The following CREBRF variants were observed in gnomAD, a reference collection of about 807,000 sequenced individuals.
The protein encoded by CREBRF is CREB3 regulatory factor.
A neutral mutation model predicts 66.1 loss-of-function variants in CREBRF; 5 were observed. That is an observed-to-expected ratio of 0.08 (90% CI 0.04 to 0.16). The LOEUF is 0.16. Among genes scored for constraint, CREBRF ranks in the 10% least tolerant of loss-of-function variants. CREBRF has a pLI of 1.00. For missense variants in CREBRF, 531 were observed against 744.9 expected (o/e 0.71, Z 3.34); for synonymous variants, 229 against 264.4 (o/e 0.87, Z 1.30).
At chr5:173,082,014 T>TTTTTTTTTTTTTTTTTTTTTTTTTTTG (rs1757966771) in intron 2 of CREBRF, among the ~76,000 whole-genome samples, 3 of 113,784 alleles carry the variant, frequency 2.6e-5, no homozygotes, top group African/African-American at 3.3e-5. Context: ...TTTTTTTTTT[T>TTTTTTTTTTTTTTTTTTTTTTTTTTTG]TTTTTTTTTT....
At chr5:173,095,844 G>T (rs1758464385) in intron 4 of CREBRF, among the ~76,000 whole-genome samples, 1 of 150,902 alleles carries the variant, frequency 6.6e-6, no homozygotes, top group African/African-American at 2.4e-5. Context: ...TGTTGTAAAT[G>T]GGATTTTTTT....
chr5:173,123,042 G>A, intron 7 of CREBRF, 38 bp from the exon 8 acceptor site: 1 of 1,545,040 alleles, frequency 6.5e-7, no homozygotes, highest in Non-Finnish European at 8.7e-7. Flanking sequence ...GTCTTTCATG[G>A]TAGTGACATA....
At chr5:173,091,536 G>C (rs1581681891) in intron 4 of CREBRF, 135 bp downstream of exon 4, 1 of 1,460,384 alleles carries the variant, frequency 6.8e-7, no homozygotes, top group East Asian at 2.3e-5. Context: ...CCTTGGATTG[G>C]ATATGTAATT....
chr5:173,073,734 G>A lies in CREBRF; in HGVS notation c.-191-6851G>A, dbSNP rs182697526. 1.2e-3 allele frequency among the ~76,000 whole-genome samples: 185 copies of A among 152,300 alleles called. 2 individuals carry two copies. The highest frequency in any genetic ancestry group is 3.2e-3 in the Admixed American group (49 of 15,294). On this transcript the variant is annotated intron_variant, in intron 1 of 8. Transcript: ENST00000296953. ...TGTAATCCCAGCACTTTGGGAGGCC[G>A]AGGCGGGCGGATCACGAGGTCAGGA... is the stretch of plus-strand genomic sequence containing the variant.
chr5:173,128,356 A>G (rs935061026), intron 8 of CREBRF, among the ~76,000 whole-genome samples: 1 of 152,020 alleles, frequency 6.6e-6, no homozygotes, highest in Admixed American at 6.6e-5. Context: ...ATAAGATTAC[A>G]ATTTTTAATG....
At chr5:173,099,892 C>A (rs1296369556) in intron 4 of CREBRF, among the ~76,000 whole-genome samples, 1 of 135,874 alleles carries the variant, frequency 7.4e-6, no homozygotes, top group Non-Finnish European at 1.6e-5. Context: ...TTATATATAG[C>A]TTTTTTTTTT....
intron 5 of CREBRF, chr5:173,110,229 A>G: frequency 2.3e-6 from 1 of 429,628 alleles, no homozygotes; most frequent in Non-Finnish European, 4.4e-6. Flanking sequence ...TTAGTATGCC[A>G]TGCAAATAAT....
In CREBRF at chr5:173,106,390, A is replaced by G. The variant is rs1462502501; in HGVS notation, c.1223-2234A>G. Among the ~76,000 whole-genome samples the G allele has an allele frequency of 3.3e-5, 5 of 151,658 alleles. No individual in the cohort carries two copies. In the East Asian group the frequency reaches 9.9e-4, roughly 30 times the overall value. On this transcript the variant is annotated intron_variant, in intron 4 of 8. Transcript: ENST00000296953. The stretch of plus-strand genomic sequence containing the variant: ...GCTTGCAGTGAGCCAAGATCGTGCC[A>G]CTGCACTCCAGCCTGGGCGACGGAG...
intron 4 of CREBRF, among the ~76,000 whole-genome samples, chr5:173,093,480 A>G (rs2113743774): frequency 6.6e-6 from 1 of 152,312 alleles, no homozygotes; most frequent in African/African-American, 2.4e-5. Flanking sequence ...AGAACATTTA[A>G]GATCTACTCT....
intron 2 of CREBRF, among the ~76,000 whole-genome samples, chr5:173,084,971 T>G (rs1294452184): frequency 6.7e-6 from 1 of 149,738 alleles, no homozygotes; most frequent in Non-Finnish European, 1.5e-5. Flanking sequence ...AGATGGAGTT[T>G]CGCTCTTGTT....
intron 2 of CREBRF, among the ~76,000 whole-genome samples, chr5:173,083,308 C>T (rs1394765694): frequency 6.6e-6 from 1 of 152,096 alleles, no homozygotes; most frequent in African/African-American, 2.4e-5. Flanking sequence ...TATTATTTGA[C>T]CCACTTTAGG....
rs930912946 is a variant in CREBRF, at chr5:173,134,424, G to C, written c.*679G>C. 1 of 310,204 alleles carries C rather than the reference G, an allele frequency of 3.2e-6. No homozygotes were observed. Among genetic ancestry groups the C allele is most frequent in the Non-Finnish European group, 6.4e-6 (1 of 155,760 alleles). The allele number at this position is 310,204 out of a possible 1,614,324, so 19.2% of individuals were successfully genotyped here. ...CTAATGAGAAAAAACAAGATATATAGATGGAAAAATTATGGGGTTTAAATG... is the reference window on the plus strand; with the variant it reads ...CTAATGAGAAAAAACAAGATATATACATGGAAAAATTATGGGGTTTAAATG... On this transcript the variant is annotated 3_prime_UTR_variant, in exon 9 of 9. Transcript: ENST00000296953.
rs543737917 is a variant in CREBRF at position 173,078,120 on chromosome 5, G to C, written c.-191-2465G>C. Among the ~76,000 whole-genome samples, 10 of 152,244 alleles carry C rather than the reference G, an allele frequency of 6.6e-5. No individual in the cohort carries two copies. In the East Asian group the frequency reaches 1.4e-3, roughly 21 times the overall value. Reference sequence around the variant, plus strand: ...CTAGATCATATGGTAATTGGATTTCGCTTTTTGAAGAAATACCAAACCGTT... The same window carrying C: ...CTAGATCATATGGTAATTGGATTTCCCTTTTTGAAGAAATACCAAACCGTT... On this transcript the variant is annotated intron_variant, in intron 1 of 8. Transcript: ENST00000296953.
rs763633901 is a variant in CREBRF, at chr5:173,091,084, C to G, written c.905C>G (p.Pro302Arg). The G allele has an allele frequency of 6.2e-7, 1 of 1,614,158 alleles. No individual in the cohort carries two copies. Residue 302 changes from proline (P) to arginine (R), a missense_variant, in exon 4 of 9, where the codon CCC (proline) becomes CGC (arginine). Pro to Arg is a moderately radical substitution (Grantham distance 103, BLOSUM62 -2). Coordinates refer to ENST00000296953, the MANE Select transcript of CREBRF (RefSeq NM_153607.3). ...GAAACCCAGGAACTATTACTAAGTCCCCTGCCCCAGGAAGGTCCTGGGTCA... is the reference window on the plus strand; with the variant it reads ...GAAACCCAGGAACTATTACTAAGTCGCCTGCCCCAGGAAGGTCCTGGGTCA... ...FKETQELLLS[P>R]LPQEGPGSLA...
At position 173,110,504 on chromosome 5, in the gene CREBRF, C is replaced by T; in HGVS notation, c.1418-18C>T. The T allele has an allele frequency of 6.3e-7, 1 of 1,593,834 alleles. No homozygotes were observed. Among genetic ancestry groups the T allele is most frequent in the Admixed American group, 1.7e-5 (1 of 59,976 alleles). Reference sequence around the variant, plus strand: ...AATTAAAGTGATCTGACTTAAACTTCTTTTAAACTGTTTATAGGAAAATAT... The same window carrying T: ...AATTAAAGTGATCTGACTTAAACTTTTTTTAAACTGTTTATAGGAAAATAT... On this transcript the variant is annotated intron_variant, in intron 5 of 8. Coordinates refer to ENST00000296953, the MANE Select transcript of CREBRF (RefSeq NM_153607.3).
At chr5:173,098,274 G>A (rs1246511743) in intron 4 of CREBRF, among the ~76,000 whole-genome samples, 2 of 150,222 alleles carry the variant, frequency 1.3e-5, no homozygotes, top group African/African-American at 2.5e-5. Context: ...TGCAAGCTCC[G>A]CCTCCCGGGT....
intron 4 of CREBRF, among the ~76,000 whole-genome samples, chr5:173,106,882 G>T (rs960290478): frequency 6.6e-6 from 1 of 151,740 alleles, no homozygotes; most frequent in Non-Finnish European, 1.5e-5. Context: ...CCTGAGTAGC[G>T]GGGATTACAG....
intron 4 of CREBRF, among the ~76,000 whole-genome samples, chr5:173,099,630 C>T (rs1290464186): frequency 6.6e-6 from 1 of 152,108 alleles, no homozygotes; most frequent in African/African-American, 2.4e-5. Context: ...GTTACTTCCT[C>T]TCTTGCTCTC....
In CREBRF at chr5:173,080,864, T is replaced by G. The variant is rs570899807; in HGVS notation, c.9+80T>G. 1.6e-5 allele frequency: 22 copies of G among 1,366,648 alleles called. No homozygotes were observed. In the South Asian group the frequency reaches 2.7e-4, roughly 17 times the overall value. The allele number at this position is 1,366,648 out of a possible 1,614,324, so 84.7% of individuals were successfully genotyped here. ...ATACCTTTGACTCTTAAATGAATCT[T>G]AACACAACTTTGCATACTACCTTTT... On this transcript the variant is annotated intron_variant, in intron 2 of 8. Coordinates refer to ENST00000296953, the MANE Select transcript of CREBRF (RefSeq NM_153607.3).
Sources: gnomAD v4.1 joint callset for allele counts (sites outside exome capture counted in the v4.1 genomes callset) on GRCh38, gnomAD v4.1.1 for gene constraint, MANE v1.5 for transcripts, NCBI Gene and HGNC (gene_info 2026-07-23, HGNC 2026-07-21) for gene names.